The following MAN2C1 variants were observed in gnomAD, a reference collection of about 807,000 sequenced individuals.
MAN2C1 encodes alpha-mannosidase 2C1.
Under a neutral mutation model 126.9 loss-of-function variants are expected in MAN2C1, and 111 were observed. That is an observed-to-expected ratio of 0.87 (90% CI 0.75 to 1.02). The LOEUF is 1.02. Among genes scored for constraint, MAN2C1 ranks in the 50% least tolerant of loss-of-function variants. The pLI is 0.00. For synonymous variants in MAN2C1, 567 were observed against 561.5 expected, an observed-to-expected ratio of 1.01 and a Z score of -0.14; for missense variants, 1,363 against 1,364.4, an observed-to-expected ratio of 1.00 and a Z score of 0.02.
At chr15:75,363,806 CAAAA>C in intron 6 of MAN2C1, 189 bp downstream of exon 6, 5 of 518,742 alleles carry the variant, frequency 9.6e-6, no homozygotes, top group South Asian at 2.5e-5. Flanking sequence ...GACTCCGTCT[CAAAA>C]AAAAAAAAAG....
At chr15:75,359,285 T>C in intron 17 of MAN2C1, 43 bp downstream of exon 17, 1 of 1,580,124 alleles carries the variant, frequency 6.3e-7, no homozygotes, top group Non-Finnish European at 8.6e-7. Context: ...TGTAAGAAAG[T>C]ATCCCAGCAC....
Position 75,367,512 on chromosome 15 carries a change from T to C in MAN2C1, c.350A>G (p.Gln117Arg), listed in dbSNP as rs2072599107. 1 of 1,613,876 alleles carries C rather than the reference T, an allele frequency of 6.2e-7. No individual in the cohort carries two copies. The highest frequency in any genetic ancestry group is 8.5e-7 in the Non-Finnish European group (1 of 1,179,832). ...GLVWRDGEPV[Q>R]GLTKEGEKTS... ...TGGCCCTAGGACAGGGTTCCTCACC[T>C]GGACAGGTTCTCCATCACGCCACAC... Residue 117 changes from glutamine to arginine, a missense_variant and splice_region_variant, in exon 3 of 26, where the codon CAG (glutamine) becomes CGG (arginine). Physicochemically the swap from Gln to Arg is conservative, Grantham distance 43. Coordinates refer to ENST00000267978, the MANE Select transcript of MAN2C1 (RefSeq NM_006715.4).
Position 75,362,944 on chromosome 15 carries a change from T to C in MAN2C1, c.791-196A>G. On this transcript the variant is annotated intron_variant, in intron 6 of 25. Coordinates refer to ENST00000267978, the MANE Select transcript of MAN2C1 (RefSeq NM_006715.4). The surrounding 1 kb of genome is among the most constrained non-coding windows in gnomAD (Gnocchi z 4.5). ...AGGGGCTGGGGAAAGGAGGCGGCAG[T>C]GCTATGAGGCCAATTATACAGGTCA... 1.7e-6 allele frequency: 1 copy of C among 586,010 alleles called. No homozygotes were observed. Among genetic ancestry groups the C allele is most frequent in the Non-Finnish European group, 3.1e-6 (1 of 327,806 alleles). The allele number at this position is 586,010 out of a possible 1,614,324, so 36.3% of individuals were successfully genotyped here. A position where few individuals can be genotyped will look rare whatever the true frequency, so the allele number is the denominator to read the frequency against.
rs1292505746 is a variant in MAN2C1, at chr15:75,368,584, C to T, written c.-1G>A. The T allele has an allele frequency of 9.1e-6, 14 of 1,540,710 alleles. No individual in the cohort carries two copies. The highest frequency in any genetic ancestry group is 1.2e-5 in the Non-Finnish European group (14 of 1,143,496). The stretch of plus-strand genomic sequence containing the variant: ...GCTTCAAGGCCGGCGCAGCCGCCAT[C>T]GCCGGGCTCTCGCTCCTCTTTCCGG... On this transcript the variant is annotated 5_prime_UTR_variant, in exon 1 of 26. Coordinates refer to ENST00000267978, the MANE Select transcript of MAN2C1 (RefSeq NM_006715.4).
rs77932613 is a variant in MAN2C1, at chr15:75,360,622, C to T, written c.1527G>A (p.Thr509=). 7 of 1,613,932 alleles carry T rather than the reference C, an allele frequency of 4.3e-6. No homozygotes were observed. In the Admixed American group the frequency reaches 5.0e-5, roughly 12 times the overall value. The change falls in exon 13 of 26, where the codon ACG becomes ACA. Residue 509 remains threonine (T), a synonymous_variant. Coordinates refer to ENST00000267978, the MANE Select transcript of MAN2C1 (RefSeq NM_006715.4). ...GCTCCAAGAAGAGCTCCCCAACCCA[C>T]GTGCACAGCTGCTCTGAGTCACTCT... ...ALESDSEQLC[T]WVGELFLELH...
chr15:75,360,955 G>A, intron 12 of MAN2C1, 91 bp downstream of exon 12: 1 of 1,474,662 alleles, frequency 6.8e-7, no homozygotes, highest in African/African-American at 1.4e-5. Context: ...ACAAGGTCCA[G>A]AGGAGGGGTT....
In MAN2C1 at chr15:75,358,797, G is replaced by T. The variant is rs138267543; in HGVS notation, c.2153C>A (p.Ala718Asp). ...AAACTGGTTCCCCACGGCGCCCTCA[G>T]CAATGGCCTCCCTGGAAGGACATGG... ...VLVASGREAI[A>D]EGAVGNQFVL... is the part of the protein sequence containing the mutation. The change falls in exon 19 of 26, where the codon GCT becomes GAT. Residue 718 changes from alanine (A) to aspartate (D), a missense_variant. Ala to Asp is a moderately radical substitution (Grantham distance 126). Coordinates refer to ENST00000267978, the MANE Select transcript of MAN2C1 (RefSeq NM_006715.4). The T allele has an allele frequency of 5.5e-5, 88 of 1,612,312 alleles. No homozygotes were observed. The African/African-American group carries it at 1.0e-3, about 19-fold the overall frequency.
At chr15:75,367,365 G>A (rs915905758) in intron 3 of MAN2C1, 146 bp downstream of exon 3, 2 of 986,908 alleles carry the variant, frequency 2.0e-6, no homozygotes, top group Non-Finnish European at 3.0e-6. Flanking sequence ...ATGCCCAAGT[G>A]GCAACTTCCC....
Position 75,358,289 on chromosome 15 carries a change from C to T in MAN2C1, c.2459G>A (p.Arg820Gln), listed in dbSNP as rs762664592. 23 of 1,614,042 alleles carry T rather than the reference C, an allele frequency of 1.4e-5. No homozygotes were observed. Among genetic ancestry groups the T allele is most frequent in the African/African-American group, 2.7e-5 (2 of 74,904 alleles). ...GATCTCATAGGTGGCCTGGGAACTC[C>T]GCACGCGAGCAGGGAACTCCACCTT... ...FLKVEFPARV[R>Q]SSQATYEIQF... The change falls in exon 21 of 26, where the codon CGG becomes CAG. Residue 820 changes from arginine (R) to glutamine (Q), a missense_variant. Coordinates refer to ENST00000267978, the MANE Select transcript of MAN2C1 (RefSeq NM_006715.4).
chr15:75,368,578 C>T lies in MAN2C1; in HGVS notation c.6G>A (p.Ala2=), dbSNP rs771396886. The T allele has an allele frequency of 6.5e-7, 1 of 1,542,966 alleles. No individual in the cohort carries two copies. Among genetic ancestry groups the T allele is most frequent in the Non-Finnish European group, 8.7e-7 (1 of 1,144,656 alleles). The change falls in exon 1 of 26, where the codon GCG becomes GCA. Residue 2 remains alanine, a synonymous_variant. Transcript: ENST00000267978. ...GCCAGTGCTTCAAGGCCGGCGCAGC[C>T]GCCATCGCCGGGCTCTCGCTCCTCT... The part of the protein sequence containing the change: M[A]AAPALKHWRT...
Position 75,359,771 on chromosome 15 carries a change from G to C in MAN2C1, c.1797C>G (p.Ile599Met). ...AEEAMCHYED[I>M]RSHGNTLLSA... Reference sequence around the variant, plus strand: ...TGAGCAGTGTATTGCCATGGGAACGGATGTCTGAGGAAAGACTGGCTGGTC... The same window carrying C: ...TGAGCAGTGTATTGCCATGGGAACGCATGTCTGAGGAAAGACTGGCTGGTC... Residue 599 changes from isoleucine to methionine, a missense_variant, in exon 16 of 26, where the codon ATC becomes ATG. By Grantham distance (10) the Ile-to-Met change is conservative (BLOSUM62 1). Around this residue, in one of 3 missense-constraint regions of MAN2C1, gnomAD observed 668 missense variants for 650.1 expected, o/e 1.03. Transcript: ENST00000267978. 6.2e-7 allele frequency: 1 copy of C among 1,613,836 alleles called. No individual in the cohort carries two copies. Among genetic ancestry groups the C allele is most frequent in the Non-Finnish European group, 8.5e-7 (1 of 1,180,000 alleles).
chr15:75,361,651 G>A lies in MAN2C1; in HGVS notation c.1171C>T (p.Arg391Cys). 17 of 1,613,974 alleles carry A rather than the reference G, an allele frequency of 1.1e-5. No individual in the cohort carries two copies. The highest frequency in any genetic ancestry group is 2.2e-5 in the South Asian group (2 of 91,084). ...CAGCTCAATTTCTGGGTGAGAAAGC[G>A]CCTGATGCCACAGCCGTGCATGATC... ...PQIMHGCGIR[R>C]FLTQKLSWNL... The change falls in exon 10 of 26, where the codon CGC becomes TGC. Residue 391 changes from arginine (R) to cysteine (C), a missense_variant. Around this residue, in one of 3 missense-constraint regions of MAN2C1, gnomAD observed 628 missense variants for 609.8 expected, o/e 1.03. Transcript: ENST00000267978. The surrounding 1 kb of genome is among the most constrained non-coding windows in gnomAD (Gnocchi z 5.0).
chr15:75,359,773 T>C lies in MAN2C1; in HGVS notation c.1795A>G (p.Ile599Val), dbSNP rs375593082. The stretch of plus-strand genomic sequence containing the variant: ...AGCAGTGTATTGCCATGGGAACGGA[T>C]GTCTGAGGAAAGACTGGCTGGTCAT... ...AEEAMCHYED[I>V]RSHGNTLLSA... is the part of the protein sequence containing the mutation. The change falls in exon 16 of 26, where the codon ATC becomes GTC. Residue 599 changes from isoleucine to valine, a missense_variant and splice_region_variant. Ile to Val is a conservative substitution (Grantham distance 29, BLOSUM62 3). Transcript: ENST00000267978. 1.9e-5 allele frequency: 30 copies of C among 1,613,874 alleles called. No individual in the cohort carries two copies. In the South Asian group the frequency reaches 2.7e-4, roughly 15 times the overall value.
Position 75,364,096 on chromosome 15 carries a change from G to C in MAN2C1, c.693C>G (p.Phe231Leu). The C allele has an allele frequency of 1.2e-6, 2 of 1,614,218 alleles. No homozygotes were observed. Among genetic ancestry groups the C allele is most frequent in the Non-Finnish European group, 1.7e-6 (2 of 1,180,024 alleles). Residue 231 changes from phenylalanine (F) to leucine (L), a missense_variant, in exon 6 of 26, where the codon TTC becomes TTG. By Grantham distance (22) the Phe-to-Leu change is conservative. Transcript: ENST00000267978. The part of the protein sequence containing the change: ...NVCDPAQPET[F>L]PVAQALASRF... ...TGGAGGCCAGGGCCTGGGCCACTGG[G>C]AAGGTCTCGGGCTGGGCAGGGTCAC...
At chr15:75,360,491 C>A in intron 13 of MAN2C1, 74 bp downstream of exon 13, 1 of 1,581,154 alleles carries the variant, frequency 6.3e-7, no homozygotes, top group Non-Finnish European at 8.6e-7. Flanking sequence ...GGGCTCTGTC[C>A]CCTGCTGCCT....
In MAN2C1 at chr15:75,368,370, C is replaced by T; in HGVS notation, c.101+113G>A. On this transcript the variant is annotated intron_variant, in intron 1 of 25. Coordinates refer to ENST00000267978, the MANE Select transcript of MAN2C1 (RefSeq NM_006715.4). The stretch of plus-strand genomic sequence containing the variant: ...TCCTCCCCGGCCCCTGCCCTGCCCG[C>T]GGCGGGCACTTTGTCCCGCGGCCCG... The T allele has an allele frequency of 5.0e-6, 7 of 1,388,638 alleles. No individual in the cohort carries two copies. The South Asian group carries it at 7.8e-5, about 15-fold the overall frequency. The allele number at this position is 1,388,638 out of a possible 1,614,324, so 86.0% of individuals were successfully genotyped here.
In MAN2C1 at chr15:75,356,621, G is replaced by C. The variant is rs143948983; in HGVS notation, c.2722C>G (p.Leu908Val). 12 of 1,563,844 alleles carry C rather than the reference G, an allele frequency of 7.7e-6. No homozygotes were observed. In the African/African-American group the frequency reaches 1.6e-4, roughly 21 times the overall value. ...CAGCACTCACCCTTGTGCGGCATCAGTGCATAGGTGAACTCGTGGCGCCCC... is the reference window on the plus strand; with the variant it reads ...CAGCACTCACCCTTGTGCGGCATCACTGCATAGGTGAACTCGTGGCGCCCC... ...DTGRHEFTYA[L>V]MPHKGSFQDA... Residue 908 changes from leucine (L) to valine (V), a missense_variant, in exon 23 of 26, where the codon CTG (leucine) becomes GTG (valine). Leu to Val is a conservative substitution (Grantham distance 32, BLOSUM62 1). This residue lies in a region of MAN2C1 where 668 missense variants were observed against 650.1 expected (regional missense o/e 1.03). Transcript: ENST00000267978. This position sits in a 1 kb window ranked among gnomAD's most constrained non-coding sequence, Gnocchi z 5.8.
chr15:75,361,542 G>A lies in MAN2C1; in HGVS notation c.1218+62C>T, dbSNP rs2072469807. On this transcript the variant is annotated intron_variant, in intron 10 of 25. Transcript: ENST00000267978. This position sits in a 1 kb window ranked among gnomAD's most constrained non-coding sequence, Gnocchi z 5.0. ...CTAGGACCCCACAATAAGGGGGAGA[G>A]GCAAATGGGCCAGGCGGGACTGAGG... is the stretch of plus-strand genomic sequence containing the variant. The A allele has an allele frequency of 4.3e-6, 6 of 1,387,614 alleles. No homozygotes were observed. The highest frequency in any genetic ancestry group is 2.1e-6 in the Non-Finnish European group (2 of 974,802). 86.0% of individuals were successfully genotyped at this position (1,387,614 alleles called of 1,614,324 possible). A position where few individuals can be genotyped will look rare whatever the true frequency, so the allele number is the denominator to read the frequency against.
Position 75,358,637 on chromosome 15 carries a change from C to G in MAN2C1, c.2247-19G>C. The G allele has an allele frequency of 6.2e-7, 1 of 1,611,958 alleles. No individual in the cohort carries two copies. The highest frequency in any genetic ancestry group is 8.5e-7 in the Non-Finnish European group (1 of 1,179,330). On this transcript the variant is annotated intron_variant, in intron 19 of 25. Transcript: ENST00000267978. ...AGGCTTCCTATGGGACAGGGGTGGA[C>G]ATACTGATCCAGAGCAGCCTGTGTT...
Sources: allele counts gnomAD v4.1 joint callset, GRCh38; gene constraint gnomAD v4.1.1; regional missense constraint gnomAD v4.1.1; non-coding constraint Gnocchi (gnomAD v3.1); transcripts MANE v1.5; gene names NCBI Gene and HGNC (gene_info 2026-07-23, HGNC 2026-07-21).